Variants in GLIPR1 observed in about 807,000 individuals in gnomAD.
GLIPR1 encodes the protein glioma pathogenesis-related protein 1.
Under a neutral mutation model 30.3 loss-of-function variants are expected in GLIPR1, and 38 were observed. That is an observed-to-expected ratio of 1.26 (90% confidence interval 0.97 to 1.65). GLIPR1 has a LOEUF of 1.65. Ranked by LOEUF, GLIPR1 falls within the 40% of genes most tolerant of loss-of-function variation. GLIPR1 has a pLI of 0.00. For missense variants in GLIPR1, 285 were observed against 326.5 expected, an observed-to-expected ratio of 0.87 and a Z score of 0.98; for synonymous variants, 122 against 110.6, an observed-to-expected ratio of 1.10 and a Z score of -0.65.
intron 2 of GLIPR1, among the ~76,000 whole-genome samples, chr12:75,486,033 TAA>T (rs2046292812): frequency 6.6e-6 from 1 of 152,134 alleles, no homozygotes; most frequent in Non-Finnish European, 1.5e-5. Flanking sequence ...AAGAAAGGTA[TAA>T]AGAGTGGTTC....
At chr12:75,483,227 C>T (rs1394385468) in intron 2 of GLIPR1, among the ~76,000 whole-genome samples, 1 of 152,136 alleles carries the variant, frequency 6.6e-6, no homozygotes, top group Non-Finnish European at 1.5e-5. Context: ...AATAAGTTTC[C>T]TTGGATTCCA....
At chr12:75,490,570 A>G in intron 3 of GLIPR1, 52 bp downstream of exon 3, 1 of 319,160 alleles carries the variant, frequency 3.1e-6, no homozygotes, top group African/African-American at 1.0e-4. Context: ...CCCCCCGCAA[A>G]AAAAAACAAC....
chr12:75,487,655 A>G, intron 2 of GLIPR1: 1 of 417,992 alleles, frequency 2.4e-6, no homozygotes, highest in Non-Finnish European at 4.8e-6. Context: ...TCACGTCCCC[A>G]CTTCTACCAC....
Position 75,503,559 on chromosome 12 carries a change from AC to A in GLIPR1, c.*4582del, listed in dbSNP as rs1236314946. Reference sequence around the variant, plus strand: ...ACAATTTACAATTTAAGATTTCAGAACAAGAACAACCATAGAGCACACAGTC... The same window carrying A: ...ACAATTTACAATTTAAGATTTCAGAAAAGAACAACCATAGAGCACACAGTC... On this transcript the variant is annotated 3_prime_UTR_variant, in exon 6 of 6. Coordinates refer to ENST00000266659, the MANE Select transcript of GLIPR1 (RefSeq NM_006851.3). The A allele has an allele frequency of 6.0e-6, 1 of 165,756 alleles. No homozygotes were observed. Among genetic ancestry groups the A allele is most frequent in the Non-Finnish European group, 1.3e-5 (1 of 77,276 alleles). The allele number at this position is 165,756 out of a possible 1,614,324, so 10.3% of individuals were successfully genotyped here. A position where few individuals can be genotyped will look rare whatever the true frequency, so the allele number is the denominator to read the frequency against.
At chr12:75,485,863 G>A (rs1469266796) in intron 2 of GLIPR1, among the ~76,000 whole-genome samples, 1 of 152,038 alleles carries the variant, frequency 6.6e-6, no homozygotes, top group Non-Finnish European at 1.5e-5. Flanking sequence ...CACAATTTCT[G>A]TAGTAGGTTT....
intron 3 of GLIPR1, chr12:75,494,176 G>T (rs146069656): frequency 2.0e-5 from 3 of 152,292 alleles, no homozygotes; most frequent in African/African-American, 7.2e-5. Flanking sequence ...TGGAAATAAG[G>T]TATCGTTATA....
rs1217040102 is a variant in GLIPR1, at chr12:75,500,745, A to AAAAG, written c.*1770_*1773dup. The AAAAG allele has an allele frequency of 1.3e-5, 2 of 152,146 alleles. No individual in the cohort carries two copies. Among genetic ancestry groups the AAAAG allele is most frequent in the African/African-American group, 4.8e-5 (2 of 41,542 alleles). 9.4% of individuals were successfully genotyped at this position (152,146 alleles called of 1,614,324 possible). A position where few individuals can be genotyped will look rare whatever the true frequency, so the allele number is the denominator to read the frequency against. The stretch of plus-strand genomic sequence containing the variant: ...CATTCAAAGTACAGGATCACAGCAT[A>AAAAG]AAAGAATCATAAGATAAAACATCAA... On this transcript the variant is annotated 3_prime_UTR_variant, in exon 6 of 6. Transcript: ENST00000266659.
intron 4 of GLIPR1, chr12:75,498,472 C>G: frequency 2.3e-6 from 1 of 442,620 alleles, no homozygotes; most frequent in Admixed American, 4.0e-5. Flanking sequence ...GTATAGTTTC[C>G]TTTTTATAAA....
intron 2 of GLIPR1, chr12:75,487,694 C>T (rs2046299973): frequency 2.2e-6 from 1 of 450,420 alleles, no homozygotes; most frequent in African/African-American, 2.0e-5. Flanking sequence ...AGCTGAGACT[C>T]CAACCTCAGC....
chr12:75,501,674 G>C lies in GLIPR1; in HGVS notation c.*2696G>C. On this transcript the variant is annotated 3_prime_UTR_variant, in exon 6 of 6. Transcript: ENST00000266659. ...AAAGATTCAGACAAATTTATTATGGGTTTACTTTTCCTAATTAATAAAGAC... is the reference window on the plus strand; with the variant it reads ...AAAGATTCAGACAAATTTATTATGGCTTTACTTTTCCTAATTAATAAAGAC... 1 of 1,214,938 alleles carries C rather than the reference G, an allele frequency of 8.2e-7. No homozygotes were observed. 75.3% of individuals were successfully genotyped at this position (1,214,938 alleles called of 1,614,324 possible). A position where few individuals can be genotyped will look rare whatever the true frequency, so the allele number is the denominator to read the frequency against.
At chr12:75,490,551 C>CGGGGGGGGGGGGGGGGG in intron 3 of GLIPR1, 33 bp downstream of exon 3, 1 of 117,276 alleles carries the variant, frequency 8.5e-6, no homozygotes, top group Non-Finnish European at 1.4e-5. Context: ...TTATAGGAAA[C>CGGGGGGGGGGGGGGGGG]GCCCCCCCCC....
rs200107199 is a variant in GLIPR1, at chr12:75,498,732, A to C, written c.646+12A>C. On this transcript the variant is annotated intron_variant, in intron 5 of 5. Coordinates refer to ENST00000266659, the MANE Select transcript of GLIPR1 (RefSeq NM_006851.3). ...AGACCAAGTCAAACGTACGTACATC[A>C]ATCTTAAATTGTTTCATTAAGAGCT... 56 of 1,611,490 alleles carry C rather than the reference A, an allele frequency of 3.5e-5. No individual in the cohort carries two copies. The highest frequency in any genetic ancestry group is 9.3e-6 in the Non-Finnish European group (11 of 1,178,078).
intron 3 of GLIPR1, chr12:75,494,194 G>A (rs929278707): frequency 2.6e-5 from 4 of 152,204 alleles, no homozygotes; most frequent in Non-Finnish European, 4.4e-5. Flanking sequence ...ATAAAGTTGT[G>A]TGTCTAAGGT....
At chr12:75,492,115 C>A (rs1294013727) in intron 3 of GLIPR1, 3 of 139,242 alleles carry the variant, frequency 2.2e-5, no homozygotes, top group African/African-American at 8.0e-5. Flanking sequence ...GAGACAGGGT[C>A]TCTCACTCTG....
At position 75,499,882 on chromosome 12, in the gene GLIPR1, A is replaced by G. The variant is rs1346422173; in HGVS notation, c.*904A>G. The G allele has an allele frequency of 2.5e-6, 4 of 1,609,286 alleles. No individual in the cohort carries two copies. The highest frequency in any genetic ancestry group is 2.2e-5 in the South Asian group (2 of 90,566). On this transcript the variant is annotated 3_prime_UTR_variant, in exon 6 of 6. Coordinates refer to ENST00000266659, the MANE Select transcript of GLIPR1 (RefSeq NM_006851.3). ...AATTTCTTCAGCTGTAAGAGCTCCC[A>G]GTTTCTTATTCTTTGCTTTCTTAAC... is the stretch of plus-strand genomic sequence containing the variant.
rs1274522589 is a variant in GLIPR1, at chr12:75,499,107, C to G, written c.*129C>G. On this transcript the variant is annotated 3_prime_UTR_variant, in exon 6 of 6. Coordinates refer to ENST00000266659, the MANE Select transcript of GLIPR1 (RefSeq NM_006851.3). Reference sequence around the variant, plus strand: ...AAAAAATATATGTTATAGCAATACTCTTACTCAAAAGAAGAAATTTCCTAA... The same window carrying G: ...AAAAAATATATGTTATAGCAATACTGTTACTCAAAAGAAGAAATTTCCTAA... 5.8e-6 allele frequency: 3 copies of G among 517,124 alleles called. No homozygotes were observed. The highest frequency in any genetic ancestry group is 9.8e-6 in the Non-Finnish European group (3 of 307,078). 32.0% of individuals were successfully genotyped at this position (517,124 alleles called of 1,614,324 possible).
In GLIPR1 at chr12:75,489,961, A is replaced by G. The variant is rs1485262596; in HGVS notation, c.421-445A>G. 7.7e-5 allele frequency: 12 copies of G among 156,192 alleles called. No homozygotes were observed. In the South Asian group the frequency reaches 2.3e-3, roughly 30 times the overall value. The allele number at this position is 156,192 out of a possible 1,614,324, so 9.7% of individuals were successfully genotyped here. A position where few individuals can be genotyped will look rare whatever the true frequency, so the allele number is the denominator to read the frequency against. On this transcript the variant is annotated intron_variant, in intron 2 of 5. Coordinates refer to ENST00000266659, the MANE Select transcript of GLIPR1 (RefSeq NM_006851.3). ...TTCTTCCTGCCAATCTATAATGCCA[A>G]GCAAATTCCATCTCAGGGCCTTTCT...
chr12:75,485,689 T>G (rs1270117890), intron 2 of GLIPR1, among the ~76,000 whole-genome samples: 3 of 150,812 alleles, frequency 2.0e-5, no homozygotes, highest in Admixed American at 6.6e-5. Flanking sequence ...TAGCTGGGAC[T>G]ACAGGCGCCC....
At chr12:75,491,288 G>A (rs765358893) in intron 3 of GLIPR1, 13 of 152,046 alleles carry the variant, frequency 8.6e-5, no homozygotes, top group Non-Finnish European at 1.6e-4. Context: ...CCCCTGTTTG[G>A]CAAATGAGAA....
Sources: gnomAD v4.1 joint callset for allele counts (sites outside exome capture counted in the v4.1 genomes callset) on GRCh38, gnomAD v4.1.1 for gene constraint, MANE v1.5 for transcripts, NCBI Gene and HGNC (gene_info 2026-07-23, HGNC 2026-07-21) for gene names.